NBAS: variants seen among roughly 807,000 people sequenced by gnomAD.
NBAS encodes the protein NBAS subunit of NRZ tethering complex.
A neutral mutation model predicts 302.5 loss-of-function variants in NBAS; 219 were observed. That is an observed-to-expected ratio of 0.72 (90% CI 0.65 to 0.81). The LOEUF is 0.81. Ranked by LOEUF, NBAS falls within the 30% of genes least tolerant of loss-of-function variation. The pLI, the probability that NBAS is intolerant of heterozygous loss-of-function variation, is 0.00. For synonymous variants in NBAS, 1,118 were observed against 1,021.6 expected, an observed-to-expected ratio of 1.09 and a Z score of -1.80; for missense variants, 2,932 against 2,841.6, an observed-to-expected ratio of 1.03 and a Z score of -0.72.
At chr2:15,092,300 G>A in the NBAS span, among the ~76,000 whole-genome samples, 1 of 152,110 alleles carries the variant, frequency 6.6e-6, no homozygotes, top group Non-Finnish European at 1.5e-5. Flanking sequence ...GAGTCAATTT[G>A]CATACATTTC....
chr2:14,807,009 T>G, the NBAS span, among the ~76,000 whole-genome samples: 9 of 152,340 alleles, frequency 5.9e-5, no homozygotes, highest in Non-Finnish European at 8.8e-5. Flanking sequence ...TCTTGATATC[T>G]TCACAGCTTC....
At chr2:15,537,412 T>G (rs917634122) in intron 7 of NBAS, among the ~76,000 whole-genome samples, 1 of 152,192 alleles carries the variant, frequency 6.6e-6, no homozygotes, top group Non-Finnish European at 1.5e-5. Flanking sequence ...TCCCACAATT[T>G]ACCACCTCAA....
chr2:14,801,018 A>G, the NBAS span, among the ~76,000 whole-genome samples: 1 of 152,094 alleles, frequency 6.6e-6, no homozygotes, highest in Non-Finnish European at 1.5e-5. Context: ...TTCACTGGGT[A>G]TAGAATTCTA....
the NBAS span, among the ~76,000 whole-genome samples, chr2:15,013,216 T>C: frequency 6.6e-6 from 1 of 152,144 alleles, no homozygotes; most frequent in Non-Finnish European, 1.5e-5. Context: ...AAAGGACTCT[T>C]ACATGTGGAA....
chr2:15,086,469 C>A, the NBAS span, among the ~76,000 whole-genome samples: 1 of 152,330 alleles, frequency 6.6e-6, no homozygotes, highest in East Asian at 1.9e-4. Context: ...GCTAAAAGAG[C>A]TATAACACAA....
At chr2:15,082,647 C>A in the NBAS span, among the ~76,000 whole-genome samples, 1 of 152,192 alleles carries the variant, frequency 6.6e-6, no homozygotes, top group Non-Finnish European at 1.5e-5. Flanking sequence ...CCAGAGCCCC[C>A]AAGGAGGCAG....
chr2:15,555,106 C>A (rs1558435918), intron 3 of NBAS, among the ~76,000 whole-genome samples: 1 of 151,996 alleles, frequency 6.6e-6, no homozygotes, highest in East Asian at 1.9e-4. Flanking sequence ...ATGTTAGTGG[C>A]CAGGCACAAT....
At chr2:14,792,832 T>A in the NBAS span, among the ~76,000 whole-genome samples, 2 of 152,178 alleles carry the variant, frequency 1.3e-5, no homozygotes, top group Admixed American at 1.3e-4. Context: ...AGATACATCA[T>A]CAGATGTTAG....
chr2:15,482,654 A>C (rs1387204613), intron 12 of NBAS, among the ~76,000 whole-genome samples: 1 of 151,080 alleles, frequency 6.6e-6, no homozygotes, highest in Non-Finnish European at 1.5e-5. Context: ...AACTGACAAA[A>C]GGCAAGCAAA....
At chr2:14,783,790 T>C in the NBAS span, among the ~76,000 whole-genome samples, 2 of 152,140 alleles carry the variant, frequency 1.3e-5, no homozygotes, top group African/African-American at 2.4e-5. Flanking sequence ...TATGTGTGCA[T>C]ATGTCTTTAT....
intron 25 of NBAS, among the ~76,000 whole-genome samples, chr2:15,409,851 A>G (rs1268838384): frequency 6.6e-6 from 1 of 152,184 alleles, no homozygotes; most frequent in East Asian, 1.9e-4. Context: ...ATCTATAAGA[A>G]TCTTGTACAA....
chr2:15,308,056 C>T (rs951555349), intron 40 of NBAS, among the ~76,000 whole-genome samples, 160 bp downstream of exon 40: 1 of 152,176 alleles, frequency 6.6e-6, no homozygotes, highest in Non-Finnish European at 1.5e-5. Context: ...CCTGGAGAAG[C>T]AACTTTGTCG....
chr2:15,373,106 A>G (rs1370603978), intron 31 of NBAS, among the ~76,000 whole-genome samples: 1 of 152,168 alleles, frequency 6.6e-6, no homozygotes, highest in Non-Finnish European at 1.5e-5. Flanking sequence ...GTAGTTAATG[A>G]CTTCAGACAT....
the NBAS span, among the ~76,000 whole-genome samples, chr2:14,923,906 G>A: frequency 5.9e-5 from 9 of 152,278 alleles, no homozygotes; most frequent in African/African-American, 2.2e-4. Context: ...GAAGGAAAAG[G>A]ACGCTGGAAG....
At chr2:15,197,188 T>C (rs1057247049) in intron 48 of NBAS, among the ~76,000 whole-genome samples, 1 of 152,196 alleles carries the variant, frequency 6.6e-6, no homozygotes. Context: ...CTCAATGCTA[T>C]GTATAAGAGC....
chr2:15,230,393 C>CAA (rs35319491), intron 47 of NBAS, among the ~76,000 whole-genome samples: 2,318 of 90,344 alleles, frequency 0.026, 81 homozygotes, highest in African/African-American at 0.074. Context: ...ATTTTTTAGG[C>CAA]AAAAAAAAAA....
chr2:15,141,461 C>T, the NBAS span, among the ~76,000 whole-genome samples: 4 of 152,168 alleles, frequency 2.6e-5, no homozygotes, highest in Non-Finnish European at 2.9e-5. Context: ...AATGGCAGAG[C>T]TTGGACTGGG....
chr2:14,995,474 C>T, the NBAS span, among the ~76,000 whole-genome samples: 2 of 152,202 alleles, frequency 1.3e-5, no homozygotes, highest in South Asian at 4.1e-4. Flanking sequence ...GCTGTTGCAC[C>T]TGTTCTAAGC....
chr2:15,403,021 A>G (rs1321771302), intron 25 of NBAS, among the ~76,000 whole-genome samples: 1 of 152,214 alleles, frequency 6.6e-6, no homozygotes, highest in Non-Finnish European at 1.5e-5. Context: ...ATAAATATAG[A>G]ATGAAAAATA....
Sources: gnomAD v4.1 joint callset for allele counts (sites outside exome capture counted in the v4.1 genomes callset) on GRCh38, gnomAD v4.1.1 for gene constraint, MANE v1.5 for transcripts, NCBI Gene and HGNC (gene_info 2026-07-23, HGNC 2026-07-21) for gene names.